Variants in BCL2L13 observed in about 807,000 individuals in gnomAD.
BCL2L13 encodes the protein BCL2 like 13, also known as bcl-2-like protein 13.
A neutral mutation model predicts 25.8 loss-of-function variants in BCL2L13; 13 were observed. The ratio of observed to expected loss-of-function variants is 0.50; its 90% CI spans 0.33 to 0.80. The LOEUF is 0.80. BCL2L13 is among the 30% of genes least tolerant of loss of function. BCL2L13 has a pLI of 0.02. For missense variants in BCL2L13, 504 were observed against 574.9 expected (o/e 0.88, Z 1.26); for synonymous variants, 244 against 230.3 (o/e 1.06, Z -0.54).
intron 1 of BCL2L13, chr22:17,629,040 C>A: frequency 4.5e-6 from 1 of 222,704 alleles, no homozygotes. Flanking sequence ...TGGAATTTTT[C>A]GCATAATTAC....
Position 17,698,555 on chromosome 22 carries a change from T to TAAAAAAAAAAA in BCL2L13, c.456+2345_456+2346insAAAAAAAAAAA, listed in dbSNP as rs1381220605. Among the ~76,000 whole-genome samples the TAAAAAAAAAAA allele has an allele frequency of 3.1e-5, 3 of 97,778 alleles. 1 individual carries two copies. The allele number at this position is 97,778 out of a possible 152,430, so 64.1% of individuals were successfully genotyped here. A position where few individuals can be genotyped will look rare whatever the true frequency, so the allele number is the denominator to read the frequency against. ...GGGCAACATAGCAAGACCCTGTCTC[T>TAAAAAAAAAAA]TAAAAAAAAAAAAAAAAAAAAAGCC... On this transcript the variant is annotated intron_variant, in intron 5 of 6. Transcript: ENST00000317582.
At chr22:17,659,345 C>T (rs139836294) in intron 2 of BCL2L13, among the ~76,000 whole-genome samples, 1 of 145,812 alleles carries the variant, frequency 6.9e-6, no homozygotes, top group African/African-American at 2.4e-5. Flanking sequence ...GCCTGGGTGA[C>T]AGAGCGAGAC....
intron 1 of BCL2L13, among the ~76,000 whole-genome samples, chr22:17,655,008 G>A (rs569765515): frequency 2.0e-5 from 3 of 152,298 alleles, no homozygotes; most frequent in African/African-American, 4.8e-5. Context: ...ACATGCGTGA[G>A]CCACCATGCA....
At chr22:17,664,423 C>G (rs1601572822) in intron 2 of BCL2L13, among the ~76,000 whole-genome samples, 1 of 146,958 alleles carries the variant, frequency 6.8e-6, no homozygotes, top group African/African-American at 2.5e-5. Context: ...CCACCCCCCC[C>G]CGGCTCCTTT....
intron 6 of BCL2L13, among the ~76,000 whole-genome samples, chr22:17,713,706 C>T (rs1347441419): frequency 6.6e-6 from 1 of 151,540 alleles, no homozygotes; most frequent in Non-Finnish European, 1.5e-5. Context: ...GTGATCCACC[C>T]ACCTCAGCCT....
chr22:17,724,388 G>A (rs1434662672), intron 6 of BCL2L13, among the ~76,000 whole-genome samples: 2 of 152,216 alleles, frequency 1.3e-5, no homozygotes, highest in Non-Finnish European at 2.9e-5. Context: ...GTACACAGTT[G>A]GAGCTGGGAT....
chr22:17,727,425 A>T lies in BCL2L13; in HGVS notation c.1349A>T (p.Lys450Met), dbSNP rs2061328605. 6.2e-7 allele frequency: 1 copy of T among 1,614,084 alleles called. No homozygotes were observed. The highest frequency in any genetic ancestry group is 1.3e-5 in the African/African-American group (1 of 74,924). Residue 450 changes from lysine to methionine, a missense_variant, in exon 7 of 7, where the codon AAG becomes ATG. Transcript: ENST00000317582. ...AGACTGTCCCCCGCCGGTGAGATGA[A>T]GCCCATGCCGCTGTCTGAGGGCAAG... ...KSRLSPAGEM[K>M]PMPLSEGKSI...
At chr22:17,633,935 T>C (rs975452654), upstream of BCL2L13, among the ~76,000 whole-genome samples, 3 of 152,002 alleles carry the variant, frequency 2.0e-5, no homozygotes, top group African/African-American at 7.2e-5. Flanking sequence ...CCCTGTATGC[T>C]TGCCTGCCCT....
upstream of BCL2L13, among the ~76,000 whole-genome samples, chr22:17,635,431 G>A (rs1309062999): frequency 1.3e-5 from 2 of 152,040 alleles, no homozygotes; most frequent in Non-Finnish European, 2.9e-5. Context: ...TGTGATTAAA[G>A]TCAAATGATT....
chr22:17,673,364 T>C (rs1369645035), intron 2 of BCL2L13, among the ~76,000 whole-genome samples: 1 of 54,858 alleles, frequency 1.8e-5, no homozygotes, highest in Non-Finnish European at 5.0e-5. Flanking sequence ...TTTCTTTCTT[T>C]TTTTTTTTTT....
rs2061374408 is a variant in BCL2L13 at position 17,729,926 on chromosome 22, G to T, written c.*2392G>T. The T allele has an allele frequency of 6.6e-6, 1 of 152,202 alleles. No individual in the cohort carries two copies. Among genetic ancestry groups the T allele is most frequent in the Admixed American group, 6.5e-5 (1 of 15,284 alleles). 9.4% of individuals were successfully genotyped at this position (152,202 alleles called of 1,614,324 possible). A position where few individuals can be genotyped will look rare whatever the true frequency, so the allele number is the denominator to read the frequency against. On this transcript the variant is annotated 3_prime_UTR_variant, in exon 7 of 7. Coordinates refer to ENST00000317582, the MANE Select transcript of BCL2L13 (RefSeq NM_015367.4). ...GCCCTCATGAGGACTGCTTCCTACT[G>T]CAGCTCCTGCTTTTTGCTCATACAT...
At chr22:17,629,433 CT>C (rs67091133) in intron 1 of BCL2L13, among the ~76,000 whole-genome samples, 19,712 of 152,058 alleles carry the variant, frequency 0.13, 1,750 homozygotes, top group Non-Finnish European at 0.19. Flanking sequence ...TTATTTGGAA[CT>C]TTTCTGAGAT....
chr22:17,655,350 G>A (rs1449753951), intron 1 of BCL2L13, among the ~76,000 whole-genome samples: 2 of 148,912 alleles, frequency 1.3e-5, no homozygotes, highest in African/African-American at 4.9e-5. Context: ...AATAAAAAGT[G>A]TAGTAAATAC....
At chr22:17,695,879 C>A in intron 4 of BCL2L13, 3 of 302,798 alleles carry the variant, frequency 9.9e-6, no homozygotes, top group East Asian at 5.5e-5. Flanking sequence ...CTGTAAGTTC[C>A]AAGCAGTTAC....
In BCL2L13 at chr22:17,728,982, C is replaced by T. The variant is rs966775229; in HGVS notation, c.*1448C>T. 7 of 152,170 alleles carry T rather than the reference C, an allele frequency of 4.6e-5. No homozygotes were observed. The highest frequency in any genetic ancestry group is 1.3e-4 in the Admixed American group (2 of 15,282). The allele number at this position is 152,170 out of a possible 1,614,324, so 9.4% of individuals were successfully genotyped here. ...TCCAGCCCTAAAGGAAGGGCAGACC[C>T]GTGTCTTTCCATGCCCGAGGGCCAC... On this transcript the variant is annotated 3_prime_UTR_variant, in exon 7 of 7. Coordinates refer to ENST00000317582, the MANE Select transcript of BCL2L13 (RefSeq NM_015367.4).
At chr22:17,679,781 G>A (rs540058600) in intron 2 of BCL2L13, among the ~76,000 whole-genome samples, 1 of 152,014 alleles carries the variant, frequency 6.6e-6, no homozygotes, top group South Asian at 2.1e-4. Context: ...AAACGTTTTG[G>A]TCTCCTTTAT....
chr22:17,631,180 T>C (rs1272408618), intron 1 of BCL2L13, among the ~76,000 whole-genome samples: 6 of 151,248 alleles, frequency 4.0e-5, no homozygotes, highest in Non-Finnish European at 8.8e-5. Flanking sequence ...CACTGCAACC[T>C]CCACCTCCTG....
intron 6 of BCL2L13, among the ~76,000 whole-genome samples, chr22:17,713,953 C>T (rs1031761248): frequency 6.6e-6 from 1 of 150,422 alleles, no homozygotes; most frequent in African/African-American, 2.4e-5. Context: ...CCAGCCTGGC[C>T]AACACCATGG....
intron 1 of BCL2L13, among the ~76,000 whole-genome samples, chr22:17,641,510 G>A (rs1182732710): frequency 2.6e-5 from 4 of 152,196 alleles, no homozygotes; most frequent in East Asian, 3.9e-4. Flanking sequence ...TTTATGAACC[G>A]CAAAAGGATT....
Sources: allele counts gnomAD v4.1 joint callset (sites outside exome capture counted in the v4.1 genomes callset), GRCh38; gene constraint gnomAD v4.1.1; transcripts MANE v1.5; gene names NCBI Gene and HGNC (gene_info 2026-07-23, HGNC 2026-07-21).